The following MIGA1 variants were observed in gnomAD, a reference collection of about 807,000 sequenced individuals.
MIGA1 encodes family with sequence similarity 73, member A.
MIGA1 carries 58 observed loss-of-function variants against 82.0 expected under a neutral mutation model. The ratio of observed to expected loss-of-function variants is 0.71; its 90% CI spans 0.57 to 0.88. MIGA1 has a LOEUF of 0.88. Ranked by LOEUF, MIGA1 falls within the 40% of genes least tolerant of loss-of-function variation. MIGA1 has a pLI of 0.00. For missense variants in MIGA1, 751 were observed against 749.1 expected (o/e 1.00, Z -0.03); for synonymous variants, 249 against 253.6 (o/e 0.98, Z 0.17).
chr1:77,801,612 A>G (rs1244234863), intron 3 of MIGA1, 104 bp downstream of exon 3: 5 of 933,284 alleles, frequency 5.4e-6, no homozygotes, highest in Non-Finnish European at 7.5e-6. Context: ...CTAATATATT[A>G]TTTAACTCAA....
At chr1:77,845,920 C>G (rs1284951120) in intron 8 of MIGA1, among the ~76,000 whole-genome samples, 1 of 148,750 alleles carries the variant, frequency 6.7e-6, no homozygotes, top group African/African-American at 2.5e-5. Context: ...CTTTGCCAAA[C>G]ATTGGTTTGG....
rs779564502 is a variant in MIGA1, at chr1:77,863,970, C to G, written c.1451C>G (p.Pro484Arg). 1.2e-6 allele frequency: 2 copies of G among 1,607,106 alleles called. No homozygotes were observed. Among genetic ancestry groups the G allele is most frequent in the Non-Finnish European group, 1.7e-6 (2 of 1,178,314 alleles). Residue 484 changes from proline (P) to arginine (R), a missense_variant, in exon 13 of 16, where the codon CCC (proline) becomes CGC (arginine). Around this residue, in one of 3 missense-constraint regions of MIGA1, gnomAD observed 265 missense variants for 293.6 expected, o/e 0.90. Coordinates refer to ENST00000370791, the MANE Select transcript of MIGA1 (RefSeq NM_198549.4). Reference sequence around the variant, plus strand: ...TCCTTTGAAGATTTGGAAAACCCACCCACATCCATACAGAATGTAGTAAAT... The same window carrying G: ...TCCTTTGAAGATTTGGAAAACCCACGCACATCCATACAGAATGTAGTAAAT...
intron 4 of MIGA1, among the ~76,000 whole-genome samples, chr1:77,803,887 A>G (rs1041791454): frequency 6.6e-6 from 1 of 152,202 alleles, no homozygotes; most frequent in Non-Finnish European, 1.5e-5. Flanking sequence ...AGTATTATAC[A>G]TTAAAAAGTA....
intron 7 of MIGA1, among the ~76,000 whole-genome samples, chr1:77,836,430 A>G (rs1684425785): frequency 6.6e-6 from 1 of 152,210 alleles, no homozygotes; most frequent in Admixed American, 6.5e-5. Flanking sequence ...TGAACTGAGT[A>G]TTAAAAAAAA....
intron 8 of MIGA1, chr1:77,848,496 C>T: frequency 2.8e-6 from 3 of 1,085,056 alleles, no homozygotes; most frequent in Non-Finnish European, 4.1e-6. Flanking sequence ...GAAAGGAAAG[C>T]AGCCCAAGTT....
At position 77,877,415 on chromosome 1, in the gene MIGA1, A is replaced by G. The variant is rs1036662554; in HGVS notation, c.*2351A>G. On this transcript the variant is annotated 3_prime_UTR_variant, in exon 16 of 16. Coordinates refer to ENST00000370791, the MANE Select transcript of MIGA1 (RefSeq NM_198549.4). ...TCTTACATAGATGCTTAATTTAACA[A>G]TTACCTATTTATAGTTCTTATTATT... is the stretch of plus-strand genomic sequence containing the variant. 1.2e-4 allele frequency: 18 copies of G among 152,202 alleles called. No homozygotes were observed. Among genetic ancestry groups the G allele is most frequent in the African/African-American group, 4.3e-4 (18 of 41,458 alleles). 9.4% of individuals were successfully genotyped at this position (152,202 alleles called of 1,614,324 possible).
In MIGA1 at chr1:77,877,700, A is replaced by G. The variant is rs1461366693; in HGVS notation, c.*2636A>G. Reference sequence around the variant, plus strand: ...ATGTAATTTATTTTAGAAAGATATTATTTGAAATCAATTTTGAAGAATTGC... The same window carrying G: ...ATGTAATTTATTTTAGAAAGATATTGTTTGAAATCAATTTTGAAGAATTGC... On this transcript the variant is annotated 3_prime_UTR_variant, in exon 16 of 16. Coordinates refer to ENST00000370791, the MANE Select transcript of MIGA1 (RefSeq NM_198549.4). 1 of 152,684 alleles carries G rather than the reference A, an allele frequency of 6.5e-6. No individual in the cohort carries two copies. The highest frequency in any genetic ancestry group is 1.5e-5 in the Non-Finnish European group (1 of 68,042). The allele number at this position is 152,684 out of a possible 1,614,324, so 9.5% of individuals were successfully genotyped here.
In MIGA1 at chr1:77,873,113, T is replaced by C. The variant is rs147653201; in HGVS notation, c.1673T>C (p.Phe558Ser). The C allele has an allele frequency of 5.4e-5, 87 of 1,612,728 alleles. No homozygotes were observed. Among genetic ancestry groups the C allele is most frequent in the Non-Finnish European group, 7.1e-5 (84 of 1,179,126 alleles). Residue 558 changes from phenylalanine (F) to serine (S), a missense_variant, in exon 15 of 16, where the codon TTT (phenylalanine) becomes TCT (serine). Physicochemically the swap from Phe to Ser is radical, Grantham distance 155. Coordinates refer to ENST00000370791, the MANE Select transcript of MIGA1 (RefSeq NM_198549.4). ...AATTCTCTGTATGATTTATGTTGCT[T>C]TTTTAAGGTATGTTCAGTCATTGAA...
chr1:77,797,378 C>T (rs1682700397), intron 2 of MIGA1, among the ~76,000 whole-genome samples: 1 of 152,224 alleles, frequency 6.6e-6, no homozygotes, highest in Admixed American at 6.5e-5. Flanking sequence ...TATACGTCCA[C>T]ACTGTATTGC....
At chr1:77,864,532 T>A (rs1234960765) in intron 13 of MIGA1, among the ~76,000 whole-genome samples, 1 of 151,526 alleles carries the variant, frequency 6.6e-6, no homozygotes, top group Non-Finnish European at 1.5e-5. Context: ...AAAAATTAGC[T>A]GGGTATGGTG....
At chr1:77,853,477 C>A (rs1685132292) in intron 8 of MIGA1, 1 of 164,146 alleles carries the variant, frequency 6.1e-6, no homozygotes, top group Non-Finnish European at 1.3e-5. Flanking sequence ...GACTGTAATC[C>A]CAGCACTTTG....
Position 77,781,453 on chromosome 1 carries a change from T to TC in MIGA1, c.81+1723dup, listed in dbSNP as rs751682255. 4.6e-5 allele frequency among the ~76,000 whole-genome samples: 7 copies of TC among 152,202 alleles called. No individual in the cohort carries two copies. In the East Asian group the frequency reaches 5.8e-4, roughly 13 times the overall value. On this transcript the variant is annotated intron_variant, in intron 1 of 15. Transcript: ENST00000370791. ...AGGGAGGGGGAAGAATAAATGAGCT[T>TC]CCCCCCACTTCCTTTTTACTGTAGT...
Position 77,809,759 on chromosome 1 carries a change from T to G in MIGA1, c.637+2658T>G, listed in dbSNP as rs1271986297. On this transcript the variant is annotated intron_variant, in intron 5 of 15. Transcript: ENST00000370791. ...TGGTTTTTATGTGCATAAATGTTTT[T>G]TTTTTTTTTTTGTACTATGAAAGTT... Among the ~76,000 whole-genome samples, 12 of 151,782 alleles carry G rather than the reference T, an allele frequency of 7.9e-5. No homozygotes were observed. The South Asian group carries it at 2.5e-3, about 32-fold the overall frequency.
chr1:77,848,536 G>GA, intron 8 of MIGA1: 1 of 1,288,750 alleles, frequency 7.8e-7, no homozygotes, highest in Non-Finnish European at 1.1e-6. Flanking sequence ...TCTTGACCAA[G>GA]AAAGATCCAA....
intron 8 of MIGA1, chr1:77,848,772 A>G (rs537404002): frequency 7.5e-7 from 1 of 1,333,772 alleles, no homozygotes; most frequent in Non-Finnish European, 1.0e-6. Context: ...AGGTTAATGC[A>G]AAGAGCTATA....
chr1:77,798,496 C>G (rs1245216125), intron 2 of MIGA1, among the ~76,000 whole-genome samples: 3 of 152,130 alleles, frequency 2.0e-5, no homozygotes, highest in Non-Finnish European at 4.4e-5. Flanking sequence ...AAGGAGTTTC[C>G]CCTTATAAAA....
chr1:77,831,044 A>G (rs921704453), intron 7 of MIGA1, among the ~76,000 whole-genome samples: 1 of 152,182 alleles, frequency 6.6e-6, no homozygotes, highest in African/African-American at 2.4e-5. Context: ...CTCCATCCAC[A>G]AAGTCGAAGA....
intron 7 of MIGA1, among the ~76,000 whole-genome samples, chr1:77,828,699 G>T (rs1170554926): frequency 6.6e-6 from 1 of 152,052 alleles, no homozygotes; most frequent in Admixed American, 6.6e-5. Context: ...TTGAAGCAGG[G>T]TCTCACTCTG....
At chr1:77,873,156 C>T in intron 15 of MIGA1, 36 bp downstream of exon 15, 1 of 1,568,422 alleles carries the variant, frequency 6.4e-7, no homozygotes, top group Non-Finnish European at 8.7e-7. Context: ...TCTTTTTTTT[C>T]TAAATCAAAA....
Sources: allele counts gnomAD v4.1 joint callset (sites outside exome capture counted in the v4.1 genomes callset), GRCh38; gene constraint gnomAD v4.1.1; regional missense constraint gnomAD v4.1.1; transcripts MANE v1.5; gene names NCBI Gene and HGNC (gene_info 2026-07-23, HGNC 2026-07-21).